ROR1: variants seen among roughly 807,000 people sequenced by gnomAD.
ROR1 encodes inactive tyrosine-protein kinase transmembrane receptor ROR1.
In ROR1, 19 loss-of-function variants were observed where a neutral mutation model predicts 78.8. The observed-to-expected ratio is 0.24, with a 90% CI of 0.17 to 0.35. The LOEUF is 0.35. Among genes scored for constraint, ROR1 ranks in the 10% least tolerant of loss-of-function variants. ROR1 has a pLI of 1.00. For synonymous variants in ROR1, 386 were observed against 433.6 expected (o/e 0.89, Z 1.36); for missense variants, 917 against 1,177.8 (o/e 0.78, Z 3.24).
At chr1:63,937,462 C>T (rs775955449) in intron 1 of ROR1, among the ~76,000 whole-genome samples, 14 of 152,116 alleles carry the variant, frequency 9.2e-5, no homozygotes, top group South Asian at 2.1e-4. Flanking sequence ...CACTTTAGAG[C>T]GCAGACATCC....
chr1:64,039,802 T>C (rs1291836885), intron 2 of ROR1, among the ~76,000 whole-genome samples: 1 of 152,194 alleles, frequency 6.6e-6, no homozygotes, highest in Non-Finnish European at 1.5e-5. Context: ...TCTCCAGTCA[T>C]GTAAAAGTTC....
chr1:63,798,453 A>C (rs1214060634), intron 1 of ROR1, among the ~76,000 whole-genome samples: 1 of 152,078 alleles, frequency 6.6e-6, no homozygotes, highest in African/African-American at 2.4e-5. Flanking sequence ...GAGGCCACAG[A>C]CCTGACTCCT....
In ROR1 at chr1:63,832,909, C is replaced by T. The variant is rs1644997402; in HGVS notation, c.91+58401C>T. On this transcript the variant is annotated intron_variant, in intron 1 of 8. Coordinates refer to ENST00000371079, the MANE Select transcript of ROR1 (RefSeq NM_005012.4). ...GGTGTGTTGAGTTACACTCGAGTTA[C>T]ACTCATCCACATCTGCCATTACAAC... is the stretch of plus-strand genomic sequence containing the variant. Among the ~76,000 whole-genome samples, 3 of 152,194 alleles carry T rather than the reference C, an allele frequency of 2.0e-5. No individual in the cohort carries two copies. The South Asian group carries it at 6.2e-4, about 32-fold the overall frequency.
chr1:63,814,543 T>C (rs961248818), intron 1 of ROR1, among the ~76,000 whole-genome samples: 16 of 151,946 alleles, frequency 1.1e-4, no homozygotes, highest in African/African-American at 3.9e-4. Context: ...CTCACAATAA[T>C]GTAGAATCAG....
chr1:64,100,952 C>T (rs1035415485), intron 4 of ROR1, among the ~76,000 whole-genome samples: 2 of 152,132 alleles, frequency 1.3e-5, no homozygotes, highest in African/African-American at 4.8e-5. Context: ...ATGATTAGGC[C>T]AAGTTACTTG....
intron 1 of ROR1, among the ~76,000 whole-genome samples, chr1:63,976,171 A>G (rs1167870809): frequency 1.3e-5 from 2 of 152,192 alleles, no homozygotes; most frequent in Non-Finnish European, 2.9e-5. Flanking sequence ...GCAAAAGGTA[A>G]TGTCATGGAG....
chr1:63,940,371 T>A (rs1645826692), intron 1 of ROR1, among the ~76,000 whole-genome samples: 1 of 151,988 alleles, frequency 6.6e-6, no homozygotes, highest in East Asian at 1.9e-4. Context: ...CTGGGACACT[T>A]TGAGTGATGG....
At chr1:63,883,818 C>T (rs1344897823) in intron 1 of ROR1, among the ~76,000 whole-genome samples, 2 of 152,196 alleles carry the variant, frequency 1.3e-5, no homozygotes, top group South Asian at 4.1e-4. Flanking sequence ...GATACACCTT[C>T]CCCTGCCCCT....
At chr1:63,968,417 T>TACTATCCAGTA (rs57501771) in intron 1 of ROR1, among the ~76,000 whole-genome samples, 38,466 of 151,878 alleles carry the variant, frequency 0.25, 5,974 homozygotes, top group African/African-American at 0.44. Flanking sequence ...TGGTTATTAC[T>TACTATCCAGTA]GGATAGTGGA....
At chr1:64,090,422 C>T (rs1647186346) in intron 4 of ROR1, among the ~76,000 whole-genome samples, 1 of 152,122 alleles carries the variant, frequency 6.6e-6, no homozygotes, top group African/African-American at 2.4e-5. Flanking sequence ...TTCTAAGCTG[C>T]CTTAATTGTA....
At chr1:63,884,592 C>T (rs1198796767) in intron 1 of ROR1, among the ~76,000 whole-genome samples, 1 of 152,136 alleles carries the variant, frequency 6.6e-6, no homozygotes. Context: ...TTTTTCTCTC[C>T]TAGGTTAAAG....
chr1:63,998,778 G>A (rs1324543164), intron 1 of ROR1, among the ~76,000 whole-genome samples: 1 of 152,144 alleles, frequency 6.6e-6, no homozygotes, highest in Non-Finnish European at 1.5e-5. Flanking sequence ...AGGTTGATAT[G>A]GTTTAGCTCT....
At chr1:64,161,538 A>G (rs982285999) in intron 8 of ROR1, among the ~76,000 whole-genome samples, 1 of 152,156 alleles carries the variant, frequency 6.6e-6, no homozygotes, top group Non-Finnish European at 1.5e-5. Flanking sequence ...GACATGTACA[A>G]TTTGGCTAGA....
chr1:64,059,943 G>C (rs553640751), intron 4 of ROR1, among the ~76,000 whole-genome samples: 1 of 152,094 alleles, frequency 6.6e-6, no homozygotes, highest in East Asian at 1.9e-4. Flanking sequence ...ACTTGAGAGA[G>C]GAAAATGAGA....
intron 1 of ROR1, among the ~76,000 whole-genome samples, chr1:63,857,157 G>GT (rs11421779): frequency 0.2 from 28,209 of 141,736 alleles, 4,972 homozygotes; most frequent in African/African-American, 0.48. Context: ...ACTTTCAGAA[G>GT]TTTTTTTTTT....
chr1:63,924,932 C>CT (rs751680204), intron 1 of ROR1, among the ~76,000 whole-genome samples: 4,030 of 84,880 alleles, frequency 0.047, 88 homozygotes, highest in African/African-American at 0.058. Context: ...AAAGGGGATG[C>CT]TTTTTTTTTT....
At chr1:63,796,888 C>T (rs2220894) in intron 1 of ROR1, among the ~76,000 whole-genome samples, 21,428 of 152,076 alleles carry the variant, frequency 0.14, 1,541 homozygotes, top group Middle Eastern at 0.24. Flanking sequence ...AGTATCATTG[C>T]AAGGGTTTTG....
At chr1:63,914,358 G>T (rs547780249) in intron 1 of ROR1, among the ~76,000 whole-genome samples, 2 of 152,318 alleles carry the variant, frequency 1.3e-5, no homozygotes, top group African/African-American at 4.8e-5. Flanking sequence ...CAGGAACCCT[G>T]CGTGCCTGGT....
intron 1 of ROR1, among the ~76,000 whole-genome samples, chr1:63,833,066 C>T (rs1352743287): frequency 6.6e-6 from 1 of 152,216 alleles, no homozygotes; most frequent in African/African-American, 2.4e-5. Context: ...ATAAACTCTG[C>T]TGTTTTTACT....
Sources: allele counts gnomAD v4.1 joint callset (sites outside exome capture counted in the v4.1 genomes callset), GRCh38; gene constraint gnomAD v4.1.1; transcripts MANE v1.5; gene names NCBI Gene and HGNC (gene_info 2026-07-23, HGNC 2026-07-21).